SKIL: variants seen among roughly 807,000 people sequenced by gnomAD.
SKIL encodes ski-like protein.
Under a neutral mutation model 69.6 loss-of-function variants are expected in SKIL, and 20 were observed. The ratio of observed to expected loss-of-function variants is 0.29; its 90% CI spans 0.20 to 0.42. SKIL has a LOEUF of 0.42. SKIL is among the 10% of genes least tolerant of loss of function. The probability of loss-of-function intolerance (pLI) is 1.00; values close to 1 mark genes in which losing one functional copy is unlikely to be tolerated. For missense variants in SKIL, 745 were observed against 783.1 expected, an observed-to-expected ratio of 0.95 and a Z score of 0.58; for synonymous variants, 310 against 279.9, an observed-to-expected ratio of 1.11 and a Z score of -1.08.
At chr3:170,358,132 G>A (rs936187185) in intron 1 of SKIL, among the ~76,000 whole-genome samples, 1 of 152,158 alleles carries the variant, frequency 6.6e-6, no homozygotes, top group East Asian at 1.9e-4. Context: ...GTCTCGACCC[G>A]GTCCGTCAGC....
chr3:170,370,450 C>G lies in SKIL; in HGVS notation c.1098+9021C>G, dbSNP rs896972823. Among the ~76,000 whole-genome samples, 12 of 44,778 alleles carry G rather than the reference C, an allele frequency of 2.7e-4. 3 individuals carry two copies. In the South Asian group the frequency reaches 3.4e-3, roughly 13 times the overall value. The allele number at this position is 44,778 out of a possible 152,430, so 29.4% of individuals were successfully genotyped here. On this transcript the variant is annotated intron_variant, in intron 2 of 6. Coordinates refer to ENST00000259119, the MANE Select transcript of SKIL (RefSeq NM_005414.5). The stretch of plus-strand genomic sequence containing the variant: ...GAGAGAGAGAGAGAGCCCCCCCCCC[C>G]CCCCCGAGCAGGAGTTCATCTTATA...
chr3:170,361,207 G>A lies in SKIL; in HGVS notation c.876G>A (p.Leu292=). Reference sequence around the variant, plus strand: ...CTGATGCTCCGTGTATTCAATGTCTGGAGTGTTGTGGAATGTTTGCACCCC... The same window carrying A: ...CTGATGCTCCGTGTATTCAATGTCTAGAGTGTTGTGGAATGTTTGCACCCC... ...VQPDAPCIQC[L]ECCGMFAPQT... The change falls in exon 2 of 7, where the codon CTG becomes CTA. Residue 292 remains leucine, a synonymous_variant. Coordinates refer to ENST00000259119, the MANE Select transcript of SKIL (RefSeq NM_005414.5). The A allele has an allele frequency of 6.2e-7, 1 of 1,614,170 alleles. No individual in the cohort carries two copies. The highest frequency in any genetic ancestry group is 8.5e-7 in the Non-Finnish European group (1 of 1,180,042).
chr3:170,377,528 A>T (rs2108209340), intron 2 of SKIL, among the ~76,000 whole-genome samples: 1 of 131,302 alleles, frequency 7.6e-6, no homozygotes, highest in Admixed American at 8.0e-5. Context: ...TTTCAAATTC[A>T]TTGCTCAATA....
chr3:170,381,381 T>C (rs1737335692), intron 3 of SKIL, 40 bp downstream of exon 3: 1 of 947,364 alleles, frequency 1.1e-6, no homozygotes, highest in Non-Finnish European at 1.8e-6. Flanking sequence ...CATTCATTTC[T>C]TCATTCAACA....
At chr3:170,374,620 A>G (rs1250165867) in intron 2 of SKIL, among the ~76,000 whole-genome samples, 1 of 152,188 alleles carries the variant, frequency 6.6e-6, no homozygotes, top group Non-Finnish European at 1.5e-5. Context: ...CCTAATTTGT[A>G]TGTTGACACA....
At chr3:170,370,156 G>C (rs180691056) in intron 2 of SKIL, among the ~76,000 whole-genome samples, 1 of 151,948 alleles carries the variant, frequency 6.6e-6, no homozygotes, top group Non-Finnish European at 1.5e-5. Context: ...GGAGAATGGC[G>C]TAAACCCGGG....
intron 2 of SKIL, among the ~76,000 whole-genome samples, chr3:170,361,742 C>CT (rs11321256): frequency 0.011 from 1,514 of 136,068 alleles, 24 homozygotes; most frequent in African/African-American, 0.037. Flanking sequence ...GTTAGGGCTT[C>CT]TTTTTTTTTT....
chr3:170,367,417 T>C lies in SKIL; in HGVS notation c.1098+5988T>C, dbSNP rs558894854. On this transcript the variant is annotated intron_variant, in intron 2 of 6. Transcript: ENST00000259119. ...TGGCCGATTCTTCCCTATTGTAGCA[T>C]GTGGCTGACAGTCTCCACTTTACTA... 2.6e-5 allele frequency among the ~76,000 whole-genome samples: 4 copies of C among 151,036 alleles called. No individual in the cohort carries two copies. The East Asian group carries it at 5.9e-4, about 22-fold the overall frequency.
At chr3:170,392,065 T>C (rs1286709555) in intron 6 of SKIL, among the ~76,000 whole-genome samples, 194 bp from the exon 7 acceptor site, 1 of 152,240 alleles carries the variant, frequency 6.6e-6, no homozygotes, top group African/African-American at 2.4e-5. Context: ...TCCTTCCTCT[T>C]GTTCCTTTGC....
chr3:170,366,379 A>C (rs1402731435), intron 2 of SKIL, among the ~76,000 whole-genome samples: 1 of 152,036 alleles, frequency 6.6e-6, no homozygotes, highest in African/African-American at 2.4e-5. Context: ...AGTCGCCATA[A>C]GAAATATACT....
At chr3:170,358,787 G>C (rs949756976) in intron 1 of SKIL, 3 of 152,176 alleles carry the variant, frequency 2.0e-5, no homozygotes, top group African/African-American at 7.2e-5. Context: ...TGTCTGCCTT[G>C]TGCTTTTTGT....
intron 2 of SKIL, among the ~76,000 whole-genome samples, chr3:170,367,575 T>G (rs1031239596): frequency 6.6e-6 from 1 of 151,828 alleles, no homozygotes; most frequent in African/African-American, 2.4e-5. Context: ...CAAGCAATTC[T>G]CCTGCCTCAG....
chr3:170,392,223 A>C lies in SKIL; in HGVS notation c.1897-36A>C, dbSNP rs111717643. 3,986 of 1,531,680 alleles carry C rather than the reference A, an allele frequency of 2.6e-3. 103 individuals are homozygous for C. The African/African-American group carries it at 0.049, about 19-fold the overall frequency. The allele number at this position is 1,531,680 out of a possible 1,614,324, so 94.9% of individuals were successfully genotyped here. A position where few individuals can be genotyped will look rare whatever the true frequency, so the allele number is the denominator to read the frequency against. On this transcript the variant is annotated intron_variant, in intron 6 of 6. Transcript: ENST00000259119. ...TATGAGGATTAAATGGAAAAACAAA[A>C]CAATTAAAATTGATAGCGCCTTTTA...
chr3:170,370,394 C>T (rs1328817339), intron 2 of SKIL, among the ~76,000 whole-genome samples: 4 of 121,536 alleles, frequency 3.3e-5, no homozygotes, highest in Admixed American at 1.1e-4. Flanking sequence ...TGTAATATTT[C>T]TATATATACA....
In SKIL at chr3:170,363,281, C is replaced by T. The variant is rs79351288; in HGVS notation, c.1098+1852C>T. Among the ~76,000 whole-genome samples the T allele has an allele frequency of 5.2e-3, 797 of 152,190 alleles. 4 individuals are homozygous for T. Among genetic ancestry groups the T allele is most frequent in the African/African-American group, 0.018 (765 of 41,528 alleles). On this transcript the variant is annotated intron_variant, in intron 2 of 6. Coordinates refer to ENST00000259119, the MANE Select transcript of SKIL (RefSeq NM_005414.5). ...TGGACTAGTCCTTAAGACTTGGGAT[C>T]CTGAGCTTTATTCTGGTGCCTTTAA...
At chr3:170,376,298 C>T (rs963085443) in intron 2 of SKIL, among the ~76,000 whole-genome samples, 2 of 151,870 alleles carry the variant, frequency 1.3e-5, no homozygotes, top group African/African-American at 4.8e-5. Flanking sequence ...CCACCCACCT[C>T]GGCCTCCCAG....
chr3:170,368,376 G>A lies in SKIL; in HGVS notation c.1098+6947G>A, dbSNP rs562644585. ...TTTTTTGGAACCGAGTTCAAAGCCT[G>A]GCATGTCAAAGGCACTCAATTAAAT... On this transcript the variant is annotated intron_variant, in intron 2 of 6. Coordinates refer to ENST00000259119, the MANE Select transcript of SKIL (RefSeq NM_005414.5). Among the ~76,000 whole-genome samples, 5 of 152,116 alleles carry A rather than the reference G, an allele frequency of 3.3e-5. No individual in the cohort carries two copies. The South Asian group carries it at 1.0e-3, about 32-fold the overall frequency.
In SKIL at chr3:170,360,071, C is replaced by A. The variant is rs1736145070; in HGVS notation, c.-261C>A. The A allele has an allele frequency of 1.5e-5, 5 of 343,690 alleles. No individual in the cohort carries two copies. Among genetic ancestry groups the A allele is most frequent in the Non-Finnish European group, 2.1e-5 (4 of 191,680 alleles). 21.3% of individuals were successfully genotyped at this position (343,690 alleles called of 1,614,324 possible). On this transcript the variant is annotated 5_prime_UTR_variant, in exon 2 of 7. Coordinates refer to ENST00000259119, the MANE Select transcript of SKIL (RefSeq NM_005414.5). ...TCTGAAGAATTCAAGAAAACAAAGGCATCCTCAGAGGTGTGCCTCTTTTCT... is the reference window on the plus strand; with the variant it reads ...TCTGAAGAATTCAAGAAAACAAAGGAATCCTCAGAGGTGTGCCTCTTTTCT...
In SKIL at chr3:170,384,681, A is replaced by G. The variant is rs1325797045; in HGVS notation, c.1345A>G (p.Lys449Glu). Residue 449 changes from lysine to glutamate, a missense_variant, in exon 4 of 7, where the codon AAA becomes GAA. Physicochemically the swap from Lys to Glu is moderately conservative, Grantham distance 56. Transcript: ENST00000259119. ...EKAHSSGKLQ[K>E]TVSYPDVSLE... Reference sequence around the variant, plus strand: ...GGCTCACAGTAGTGGTAAACTTCAAAAAACAGTGTCTTATCCAGATGTCTC... The same window carrying G: ...GGCTCACAGTAGTGGTAAACTTCAAGAAACAGTGTCTTATCCAGATGTCTC... The G allele has an allele frequency of 6.2e-7, 1 of 1,613,422 alleles. No individual in the cohort carries two copies. Among genetic ancestry groups the G allele is most frequent in the South Asian group, 1.1e-5 (1 of 91,032 alleles).
Sources: gnomAD v4.1 joint callset for allele counts (sites outside exome capture counted in the v4.1 genomes callset) on GRCh38, gnomAD v4.1.1 for gene constraint, MANE v1.5 for transcripts, NCBI Gene and HGNC (gene_info 2026-07-23, HGNC 2026-07-21) for gene names.